PRKCA: variants seen among roughly 807,000 people sequenced by gnomAD.
PRKCA encodes protein kinase C alpha.
A neutral mutation model predicts 87.0 loss-of-function variants in PRKCA; 27 were observed. The ratio of observed to expected loss-of-function variants is 0.31; its 90% confidence interval spans 0.23 to 0.43. The LOEUF (loss-of-function observed/expected upper bound fraction) is 0.43, where lower values mean the gene tolerates loss of function less well. PRKCA is among the 20% of genes least tolerant of loss of function. PRKCA has a pLI of 1.00. For synonymous variants in PRKCA, 329 were observed against 311.1 expected (o/e 1.06, Z -0.61); for missense variants, 518 against 852.3 (o/e 0.61, Z 4.88).
chr17:66,743,823 G>A (rs536126923), intron 13 of PRKCA, among the ~76,000 whole-genome samples: 1 of 152,294 alleles, frequency 6.6e-6, no homozygotes, highest in Non-Finnish European at 1.5e-5. Flanking sequence ...ATTTATCTCA[G>A]AGACAGTAGG....
At chr17:66,534,079 C>CA (rs1448237049) in intron 3 of PRKCA, among the ~76,000 whole-genome samples, 2 of 149,388 alleles carry the variant, frequency 1.3e-5, no homozygotes, top group African/African-American at 5.1e-5. Context: ...GCACCCCCCC[C>CA]AAAAAAATTA....
chr17:66,472,873 C>A (rs955348439), intron 2 of PRKCA, among the ~76,000 whole-genome samples: 1 of 152,076 alleles, frequency 6.6e-6, no homozygotes, highest in Non-Finnish European at 1.5e-5. Context: ...TTGCCTCCGA[C>A]CGAACTTGCC....
chr17:66,714,905 T>A (rs1347852627), intron 8 of PRKCA, among the ~76,000 whole-genome samples: 3 of 152,188 alleles, frequency 2.0e-5, no homozygotes, highest in Non-Finnish European at 4.4e-5. Flanking sequence ...GGTGTCCCAT[T>A]GAGCTATAAT....
At position 66,456,138 on chromosome 17, in the gene PRKCA, G is replaced by T. The variant is rs115474374; in HGVS notation, c.206-40063G>T. ...ATTTGCCAGGAGCCACCAGGAACTA[G>T]GAGTGAAAGATGAGGAACAGATTCT... is the stretch of plus-strand genomic sequence containing the variant. On this transcript the variant is annotated intron_variant, in intron 2 of 16. Transcript: ENST00000413366. Among the ~76,000 whole-genome samples, 463 of 152,040 alleles carry T rather than the reference G, an allele frequency of 3.0e-3. 8 individuals are homozygous for T. Among genetic ancestry groups the T allele is most frequent in the African/African-American group, 0.011 (443 of 41,462 alleles).
rs1025175312 is a variant in PRKCA, at chr17:66,787,454, G to T, written c.1713+480G>T. The stretch of plus-strand genomic sequence containing the variant: ...TCATTCTAATCCATTTCATAAAATT[G>T]TGGTGGGGACTACCAGATGTCATCA... On this transcript the variant is annotated intron_variant, in intron 15 of 16. Transcript: ENST00000413366. Among the ~76,000 whole-genome samples, 52 of 152,204 alleles carry T rather than the reference G, an allele frequency of 3.4e-4. 1 individual carries two copies. The highest frequency in any genetic ancestry group is 2.2e-3 in the Admixed American group (33 of 15,282).
At chr17:66,485,058 C>G (rs1344306575) in intron 2 of PRKCA, among the ~76,000 whole-genome samples, 2 of 152,102 alleles carry the variant, frequency 1.3e-5, no homozygotes, top group Non-Finnish European at 2.9e-5. Flanking sequence ...TTACATGTTT[C>G]CCTCCCTACC....
intron 3 of PRKCA, among the ~76,000 whole-genome samples, chr17:66,573,673 C>A (rs2143409110): frequency 6.6e-6 from 1 of 152,290 alleles, no homozygotes; most frequent in South Asian, 2.1e-4. Flanking sequence ...TAACATTATT[C>A]TTTGACATTA....
At chr17:66,426,943 C>G (rs1380930818) in intron 2 of PRKCA, among the ~76,000 whole-genome samples, 1 of 152,138 alleles carries the variant, frequency 6.6e-6, no homozygotes, top group African/African-American at 2.4e-5. Context: ...GTTTTCCTGC[C>G]TCAGACCTTT....
intron 13 of PRKCA, among the ~76,000 whole-genome samples, chr17:66,766,526 G>C (rs1374710042): frequency 6.6e-6 from 1 of 152,162 alleles, no homozygotes; most frequent in African/African-American, 2.4e-5. Context: ...CAGCAACACT[G>C]TTGCTTCAGC....
chr17:66,789,812 T>C (rs1975487703), intron 16 of PRKCA, among the ~76,000 whole-genome samples: 1 of 152,220 alleles, frequency 6.6e-6, no homozygotes. Context: ...TGGGCCCTAA[T>C]TGTTGATTGC....
At position 66,688,406 on chromosome 17, in the gene PRKCA, C is replaced by T. The variant is rs1972687611; in HGVS notation, c.791C>T (p.Ser264Leu). The change falls in exon 7 of 17, where the codon TCG becomes TTG. Residue 264 changes from serine to leucine, a missense_variant. By Grantham distance (145) the Ser-to-Leu change is moderately radical. Around this residue, in one of 5 missense-constraint regions of PRKCA, gnomAD observed 300 missense variants for 496.8 expected, o/e 0.60. Transcript: ENST00000413366. ...ATGGGATCCCTTTCCTTTGGAGTTT[C>T]GGAGCTGATGAAGATGCCGGCCAGT... ...DFMGSLSFGV[S>L]ELMKMPASGW... 5 of 1,613,926 alleles carry T rather than the reference C, an allele frequency of 3.1e-6. No individual in the cohort carries two copies. The highest frequency in any genetic ancestry group is 1.7e-5 in the Admixed American group (1 of 59,974).
At chr17:66,796,494 C>T (rs754539626) in intron 16 of PRKCA, 24 of 985,222 alleles carry the variant, frequency 2.4e-5, no homozygotes, top group South Asian at 4.7e-5. Flanking sequence ...TCCAGGTCTT[C>T]GGTGAGCACG....
chr17:66,503,885 A>G (rs931878217), intron 3 of PRKCA, among the ~76,000 whole-genome samples: 3 of 152,222 alleles, frequency 2.0e-5, no homozygotes, highest in Non-Finnish European at 4.4e-5. Context: ...GAAAAAGATG[A>G]TTTTGTGAGC....
At chr17:66,580,740 A>G (rs554410032) in intron 3 of PRKCA, among the ~76,000 whole-genome samples, 3 of 152,308 alleles carry the variant, frequency 2.0e-5, no homozygotes, top group South Asian at 2.1e-4. Context: ...ATTTGCACCC[A>G]GATCAGGAAA....
At chr17:66,608,143 C>G (rs1256840318) in intron 3 of PRKCA, among the ~76,000 whole-genome samples, 1 of 151,354 alleles carries the variant, frequency 6.6e-6, no homozygotes, top group East Asian at 1.9e-4. Flanking sequence ...TGGAGCACAC[C>G]GATTGGAGCA....
intron 2 of PRKCA, among the ~76,000 whole-genome samples, chr17:66,354,891 A>G (rs1366580709): frequency 1.3e-5 from 2 of 152,182 alleles, no homozygotes; most frequent in Non-Finnish European, 2.9e-5. Context: ...TTCTAGTACA[A>G]TCAGGGGAGA....
At chr17:66,425,743 C>T (rs1010433255) in intron 2 of PRKCA, among the ~76,000 whole-genome samples, 3 of 152,038 alleles carry the variant, frequency 2.0e-5, no homozygotes, top group Admixed American at 6.6e-5. Context: ...TATTTGTTTG[C>T]GTGTATCTTA....
chr17:66,798,441 TGGTGGTGGTGAC>T (rs1384683883), intron 16 of PRKCA, among the ~76,000 whole-genome samples: 3 of 115,400 alleles, frequency 2.6e-5, no homozygotes, highest in Non-Finnish European at 3.7e-5. Flanking sequence ...GTGACGGTGG[TGGTGGTGGTGAC>T]GGTGGTGGTG....
intron 13 of PRKCA, among the ~76,000 whole-genome samples, chr17:66,766,614 T>G (rs938133730): frequency 1.3e-4 from 20 of 151,806 alleles, no homozygotes; most frequent in African/African-American, 4.8e-4. Flanking sequence ...TCGAGACCAG[T>G]CTGGGCAACA....
Sources: gnomAD v4.1 joint callset for allele counts (sites outside exome capture counted in the v4.1 genomes callset) on GRCh38, gnomAD v4.1.1 for gene constraint, gnomAD v4.1.1 regional missense constraint, MANE v1.5 for transcripts, NCBI Gene and HGNC (gene_info 2026-07-23, HGNC 2026-07-21) for gene names.